Variants in IGSF10 observed in about 807,000 individuals in gnomAD.
The protein encoded by IGSF10 is calvaria mechanical force protein 608.
Under a neutral mutation model 128.2 loss-of-function variants are expected in IGSF10, and 126 were observed. That is an observed-to-expected ratio of 0.98 (90% CI 0.85 to 1.14). The LOEUF (loss-of-function observed/expected upper bound fraction) is 1.14, where lower values mean the gene tolerates loss of function less well. IGSF10 is among the 50% of genes most tolerant of loss of function. The pLI is 0.00. For synonymous variants in IGSF10, 1,185 were observed against 1,146.2 expected, an observed-to-expected ratio of 1.03 and a Z score of -0.68; for missense variants, 3,295 against 3,149.8, an observed-to-expected ratio of 1.05 and a Z score of -1.10.
the IGSF10 span, among the ~76,000 whole-genome samples, chr3:151,573,452 T>C: frequency 6.6e-6 from 1 of 152,250 alleles, no homozygotes; most frequent in Non-Finnish European, 1.5e-5. Context: ...TTAGCTCTTC[T>C]TGTTGAATTG....
chr3:151,447,926 A>T lies in IGSF10; in HGVS notation c.2055T>A (p.Asn685Lys). 1 of 1,614,060 alleles carries T rather than the reference A, an allele frequency of 6.2e-7. No homozygotes were observed. Among genetic ancestry groups the T allele is most frequent in the African/African-American group, 1.3e-5 (1 of 75,012 alleles). ...ETEGSGLDES[N>K]PIAHLKEPPG... ...GTGGCTCCTTAAGATGAGCAATAGG[A>T]TTGGACTCATCAAGTCCAGATCCCT... Residue 685 changes from asparagine (N) to lysine (K), a missense_variant, in exon 6 of 8, where the codon AAT becomes AAA. Transcript: ENST00000282466.
the IGSF10 span, among the ~76,000 whole-genome samples, chr3:151,604,592 A>AACACACACAC: frequency 1.1e-3 from 160 of 144,648 alleles, no homozygotes; most frequent in Middle Eastern, 7.2e-3. Context: ...GTACCAATAT[A>AACACACACAC]ACACACACAC....
the IGSF10 span, among the ~76,000 whole-genome samples, chr3:151,588,854 G>C: frequency 6.6e-6 from 1 of 152,182 alleles, no homozygotes; most frequent in South Asian, 2.1e-4. Context: ...TAAGAGAATA[G>C]GGAGTGCCAG....
chr3:151,432,938 TCA>T (rs1719697463), downstream of IGSF10: 32 of 527,576 alleles, frequency 6.1e-5, no homozygotes, highest in South Asian at 1.6e-4. Context: ...ATGCTACATC[TCA>T]CAAAAAAAAA....
chr3:151,550,147 A>G, the IGSF10 span, among the ~76,000 whole-genome samples: 1 of 152,162 alleles, frequency 6.6e-6, no homozygotes, highest in Admixed American at 6.5e-5. Flanking sequence ...TTATATTTTG[A>G]CTCTGCTAAT....
rs200778634 is a variant in IGSF10 at position 151,443,504 on chromosome 3, G to A, written c.5443C>T (p.Arg1815Cys). Residue 1815 changes from arginine to cysteine, a missense_variant, in exon 7 of 8, where the codon CGT becomes TGT. By Grantham distance (180) the Arg-to-Cys change is radical. Coordinates refer to ENST00000282466, the MANE Select transcript of IGSF10 (RefSeq NM_178822.5). ...CTGGCCACACATTTGTAAAAGCCAC[G>A]GTCATAAATACTGAGATTGTGGAGG... is the stretch of plus-strand genomic sequence containing the variant. ...LVLHNLSIYD[R>C]GFYKCVASNP... is the part of the protein sequence containing the mutation. 5 of 1,614,186 alleles carry A rather than the reference G, an allele frequency of 3.1e-6. No individual in the cohort carries two copies. The highest frequency in any genetic ancestry group is 1.6e-4 in the Middle Eastern group (1 of 6,062).
intron 7 of IGSF10, among the ~76,000 whole-genome samples, chr3:151,438,829 T>C (rs1720647972): frequency 7.2e-6 from 1 of 139,406 alleles, no homozygotes; most frequent in Non-Finnish European, 1.6e-5. Context: ...TTGAGATATA[T>C]ATATATACAC....
In IGSF10 at chr3:151,437,841, C is replaced by T. The variant is rs1248560863; in HGVS notation, c.6720G>A (p.Leu2240=). ...CTTTAATAACAGTTCTGTTTGTATA[C>T]AGACCATTGATTAATGGAGGTTTAG... ...VVSKPPLING[L]YTNRTVIKAT... The change falls in exon 8 of 8, where the codon CTG becomes CTA. Residue 2240 remains leucine, a synonymous_variant. Transcript: ENST00000282466. The T allele has an allele frequency of 6.2e-7, 1 of 1,613,944 alleles. No individual in the cohort carries two copies. Among genetic ancestry groups the T allele is most frequent in the Admixed American group, 1.7e-5 (1 of 60,016 alleles).
chr3:151,481,312 G>A, the IGSF10 span, among the ~76,000 whole-genome samples: 10 of 152,100 alleles, frequency 6.6e-5, no homozygotes, highest in African/African-American at 2.2e-4. Context: ...CTGTAAGGAG[G>A]GGTATCATCA....
the IGSF10 span, among the ~76,000 whole-genome samples, chr3:151,568,579 A>T: frequency 6.6e-6 from 1 of 152,292 alleles, no homozygotes; most frequent in East Asian, 1.9e-4. Flanking sequence ...TGTGTGTAAT[A>T]AGCTGACATT....
chr3:151,530,793 G>T, the IGSF10 span, among the ~76,000 whole-genome samples: 2 of 152,174 alleles, frequency 1.3e-5, no homozygotes, highest in African/African-American at 4.8e-5. Context: ...ATGCTATGAA[G>T]AAACGGCATC....
At chr3:151,542,603 T>A in the IGSF10 span, among the ~76,000 whole-genome samples, 1 of 152,198 alleles carries the variant, frequency 6.6e-6, no homozygotes, top group South Asian at 2.1e-4. Context: ...CCACTAACAG[T>A]ATAACTTGAA....
intron 7 of IGSF10, among the ~76,000 whole-genome samples, chr3:151,441,379 A>C (rs1260564960): frequency 1.3e-5 from 2 of 152,242 alleles, no homozygotes; most frequent in Non-Finnish European, 1.5e-5. Flanking sequence ...TTCATAACTC[A>C]GCATTTAAAA....
chr3:151,581,234 T>C, the IGSF10 span, among the ~76,000 whole-genome samples: 1 of 152,136 alleles, frequency 6.6e-6, no homozygotes, highest in East Asian at 1.9e-4. Flanking sequence ...TGACGTAATG[T>C]GGTAGTTCAG....
the IGSF10 span, among the ~76,000 whole-genome samples, chr3:151,615,535 G>A: frequency 6.6e-6 from 1 of 152,106 alleles, no homozygotes; most frequent in Admixed American, 6.5e-5. Flanking sequence ...GCAGTAATGG[G>A]AAATAAGACA....
the IGSF10 span, among the ~76,000 whole-genome samples, chr3:151,514,555 G>A: frequency 6.6e-6 from 1 of 152,130 alleles, no homozygotes; most frequent in African/African-American, 2.4e-5. Context: ...ACATAGGCAT[G>A]GGGAAGAACT....
At chr3:151,532,698 A>G in the IGSF10 span, among the ~76,000 whole-genome samples, 41 of 152,342 alleles carry the variant, frequency 2.7e-4, no homozygotes, top group African/African-American at 9.4e-4. Flanking sequence ...GCTATTTATG[A>G]CAAACCAACA....
the IGSF10 span, among the ~76,000 whole-genome samples, chr3:151,598,982 A>C: frequency 2.6e-5 from 4 of 152,206 alleles, no homozygotes; most frequent in African/African-American, 7.2e-5. Context: ...TTCCAATGGT[A>C]GTAAATATAA....
the IGSF10 span, among the ~76,000 whole-genome samples, chr3:151,612,841 A>G: frequency 6.6e-6 from 1 of 152,212 alleles, no homozygotes; most frequent in South Asian, 2.1e-4. Context: ...GCCAACAAGC[A>G]TATGAAAAAA....
Sources: allele counts gnomAD v4.1 joint callset (sites outside exome capture counted in the v4.1 genomes callset), GRCh38; gene constraint gnomAD v4.1.1; transcripts MANE v1.5; gene names NCBI Gene and HGNC (gene_info 2026-07-23, HGNC 2026-07-21).